Variants in STAM2 observed in about 807,000 individuals in gnomAD.
STAM2 encodes the protein signal transducing adapter molecule 2.
STAM2 carries 51 observed loss-of-function variants against 65.6 expected under a neutral mutation model. The ratio of observed to expected loss-of-function variants is 0.78; its 90% confidence interval spans 0.62 to 0.98. The LOEUF (loss-of-function observed/expected upper bound fraction) is 0.98, where lower values mean the gene tolerates loss of function less well. Among genes scored for constraint, STAM2 ranks in the 50% least tolerant of loss-of-function variants. STAM2 has a pLI of 0.00. For missense variants in STAM2, 584 were observed against 617.8 expected (o/e 0.95, Z 0.58); for synonymous variants, 198 against 208.4 (o/e 0.95, Z 0.43).
Position 152,123,845 on chromosome 2 carries a change from G to A in STAM2, c.1270C>T (p.Gln424Ter). ...VAQSYSLGPD[Q>*]IGPLRSLPPN... ...GGCAGAGATCTCAGTGGACCAATTT[G>A]ATCGGGTCCTAGGCTATAGCTTTGG... Residue 424 changes from glutamine (Q) to a stop codon, truncating the protein, a stop_gained, in exon 13 of 14, where the codon CAA (glutamine) becomes TAA (stop). Coordinates refer to ENST00000263904, the MANE Select transcript of STAM2 (RefSeq NM_005843.6). LOFTEE classifies it high-confidence loss of function. 6.2e-7 allele frequency: 1 copy of A among 1,614,028 alleles called. No individual in the cohort carries two copies. The highest frequency in any genetic ancestry group is 8.5e-7 in the Non-Finnish European group (1 of 1,179,878).
rs1462991194 is a variant in STAM2 at position 152,133,228 on chromosome 2, C to G, written c.915G>C (p.Gln305His). 6.2e-7 allele frequency: 1 copy of G among 1,610,332 alleles called. No homozygotes were observed. Among genetic ancestry groups the G allele is most frequent in the Non-Finnish European group, 8.5e-7 (1 of 1,178,506 alleles). ...GTTTTGAATCTGTTGGATCTATACTCTGAAGTACCTGCAGGGCTCTATCCA... is the reference window on the plus strand; with the variant it reads ...GTTTTGAATCTGTTGGATCTATACTGTGAAGTACCTGCAGGGCTCTATCCA... The part of the protein sequence containing the change: ...DKMDRALQVL[Q>H]SIDPTDSKPD... Residue 305 changes from glutamine to histidine, a missense_variant, in exon 10 of 14, where the codon CAG becomes CAC. Transcript: ENST00000263904.
rs572932752 is a variant in STAM2 at position 152,161,511 on chromosome 2, A to C, written c.41-11282T>G. On this transcript the variant is annotated intron_variant, in intron 1 of 13. Coordinates refer to ENST00000263904, the MANE Select transcript of STAM2 (RefSeq NM_005843.6). ...ATGATCAATAAAAAAAAAAAAAAAA[A>C]AAAAACATTATATATACTTACTAGG... 6.3e-4 allele frequency among the ~76,000 whole-genome samples: 95 copies of C among 151,716 alleles called. 1 individual carries two copies. The highest frequency in any genetic ancestry group is 3.4e-3 in the Middle Eastern group (1 of 292).
intron 7 of STAM2, among the ~76,000 whole-genome samples, chr2:152,143,418 T>G (rs975432973): frequency 6.6e-6 from 1 of 152,168 alleles, no homozygotes; most frequent in Non-Finnish European, 1.5e-5. Context: ...AATACAGTAG[T>G]AGATTAAGAA....
chr2:152,149,435 G>A (rs1056695330), intron 2 of STAM2, among the ~76,000 whole-genome samples: 6 of 150,590 alleles, frequency 4.0e-5, no homozygotes, highest in African/African-American at 1.5e-4. Flanking sequence ...AACACCCCAC[G>A]CAGCCGAAAA....
chr2:152,122,106 A>G (rs1005953283), intron 13 of STAM2, among the ~76,000 whole-genome samples: 6 of 140,426 alleles, frequency 4.3e-5, no homozygotes, highest in Non-Finnish European at 8.0e-5. Flanking sequence ...GTGTGTGTGT[A>G]TACACATATA....
chr2:152,144,096 G>A, intron 6 of STAM2, 83 bp from the exon 7 acceptor site: 1 of 1,108,486 alleles, frequency 9.0e-7, no homozygotes, highest in Non-Finnish European at 1.2e-6. Context: ...AATTTAATAA[G>A]AATAAATCAA....
intron 7 of STAM2, among the ~76,000 whole-genome samples, chr2:152,136,399 C>T (rs1032485496): frequency 4.6e-5 from 7 of 151,742 alleles, no homozygotes; most frequent in Admixed American, 6.6e-5. Flanking sequence ...GCTGAAATCA[C>T]GTCACTGCAC....
intron 1 of STAM2, among the ~76,000 whole-genome samples, chr2:152,157,661 C>T (rs546943252): frequency 3.1e-4 from 47 of 152,322 alleles, no homozygotes; most frequent in Non-Finnish European, 3.8e-4. Flanking sequence ...GCATAAGCTA[C>T]CTAGTCTATG....
chr2:152,149,397 C>G (rs1349369026), intron 2 of STAM2, among the ~76,000 whole-genome samples: 4 of 152,142 alleles, frequency 2.6e-5, no homozygotes, highest in African/African-American at 7.2e-5. Flanking sequence ...ACAACTGACC[C>G]TTTAACTACA....
chr2:152,134,575 G>C (rs947138396), intron 8 of STAM2, among the ~76,000 whole-genome samples: 7 of 152,092 alleles, frequency 4.6e-5, no homozygotes, highest in African/African-American at 1.7e-4. Context: ...CTCCTGAACT[G>C]GCAAGGACTA....
chr2:152,164,049 T>C (rs914654378), intron 1 of STAM2, among the ~76,000 whole-genome samples: 1 of 152,130 alleles, frequency 6.6e-6, no homozygotes, highest in Non-Finnish European at 1.5e-5. Flanking sequence ...TCCCTGTTCG[T>C]ACACCCCCTC....
chr2:152,135,630 T>C (rs373694821), intron 7 of STAM2, 27 bp from the exon 8 acceptor site: 6 of 1,433,372 alleles, frequency 4.2e-6, no homozygotes, highest in Non-Finnish European at 5.8e-6. Flanking sequence ...AAAAATATCA[T>C]TTGTTCCCCA....
intron 1 of STAM2, among the ~76,000 whole-genome samples, chr2:152,165,776 T>G (rs138528402): frequency 8.9e-4 from 135 of 152,216 alleles, no homozygotes; most frequent in African/African-American, 3.2e-3. Flanking sequence ...AAAAGAGTTG[T>G]GAAAATTAAG....
In STAM2 at chr2:152,167,604, T is replaced by C. The variant is rs569636765; in HGVS notation, c.40+7999A>G. Among the ~76,000 whole-genome samples, 3 of 152,244 alleles carry C rather than the reference T, an allele frequency of 2.0e-5. No individual in the cohort carries two copies. In the East Asian group the frequency reaches 5.8e-4, roughly 29 times the overall value. On this transcript the variant is annotated intron_variant, in intron 1 of 13. Transcript: ENST00000263904. ...TAAGCAAAAACACTTTTAAAGACTT[T>C]GTAACTTAGGCCAGGCATGGTGGCT...
intron 7 of STAM2, among the ~76,000 whole-genome samples, chr2:152,141,084 A>G (rs1579319466): frequency 1.3e-5 from 2 of 150,438 alleles, no homozygotes; most frequent in Non-Finnish European, 3.0e-5. Flanking sequence ...GGTTGCAGTG[A>G]GCCAAGATCA....
chr2:152,171,835 G>A (rs918142246), intron 1 of STAM2, among the ~76,000 whole-genome samples: 1 of 152,200 alleles, frequency 6.6e-6, no homozygotes, highest in African/African-American at 2.4e-5. Context: ...GCAATGAATG[G>A]TAAATAGCAC....
intron 1 of STAM2, among the ~76,000 whole-genome samples, chr2:152,173,176 T>C (rs1200076652): frequency 6.7e-6 from 1 of 149,370 alleles, no homozygotes; most frequent in Non-Finnish European, 1.5e-5. Context: ...ATTCAATGTA[T>C]GCCTGCTGAA....
chr2:152,153,825 C>G (rs928043857), intron 1 of STAM2, among the ~76,000 whole-genome samples: 3 of 151,338 alleles, frequency 2.0e-5, no homozygotes, highest in Non-Finnish European at 2.9e-5. Flanking sequence ...CCTCCTAATT[C>G]TACGAATCCT....
intron 12 of STAM2, among the ~76,000 whole-genome samples, chr2:152,125,713 AG>A (rs1173946943): frequency 9.9e-5 from 15 of 152,188 alleles, no homozygotes; most frequent in African/African-American, 2.7e-4. Context: ...AGCTAAGTAA[AG>A]GAAGTATAAA....
Sources: allele counts gnomAD v4.1 joint callset (sites outside exome capture counted in the v4.1 genomes callset), GRCh38; gene constraint gnomAD v4.1.1; transcripts MANE v1.5; gene names NCBI Gene and HGNC (gene_info 2026-07-23, HGNC 2026-07-21).